EPB41L1: variants seen among roughly 807,000 people sequenced by gnomAD.
EPB41L1 encodes erythrocyte membrane protein band 4.1 like 1, also known as band 4.1-like protein 1.
EPB41L1 carries 29 observed loss-of-function variants against 97.8 expected under a neutral mutation model. The ratio of observed to expected loss-of-function variants is 0.30; its 90% CI spans 0.22 to 0.40. The LOEUF (loss-of-function observed/expected upper bound fraction) is 0.40. Among genes scored for constraint, EPB41L1 ranks in the 10% least tolerant of loss-of-function variants. EPB41L1 has a pLI of 1.00. For synonymous variants in EPB41L1, 383 were observed against 459.2 expected (o/e 0.83, Z 2.12); for missense variants, 812 against 1,162.3 (o/e 0.70, Z 4.38).
rs2061910400 is a variant in EPB41L1 at position 36,190,706 on chromosome 20, T to G, written c.1209T>G (p.Thr403=). ...FRYSGRTQAQ[T]RQASALIDRP... is the part of the protein sequence containing the mutation. ...ACAGTGGGAGGACCCAGGCACAGAC[T>G]CGCCAGGCCAGCGCCCTCATTGACC... Residue 403 remains threonine, a synonymous_variant, in exon 11 of 22, where the codon ACT becomes ACG. Coordinates refer to ENST00000338074, the MANE Select transcript of EPB41L1 (RefSeq NM_012156.2). This position sits in a 1 kb window ranked among gnomAD's most constrained non-coding sequence, Gnocchi z 5.8. 8 of 1,614,142 alleles carry G rather than the reference T, an allele frequency of 5.0e-6. No homozygotes were observed. The highest frequency in any genetic ancestry group is 5.1e-6 in the Non-Finnish European group (6 of 1,180,018).
At position 36,092,203 on chromosome 20, in the gene EPB41L1, G is replaced by A. The variant is rs546207602; in HGVS notation, c.-65+591G>A. Among the ~76,000 whole-genome samples, 3 of 152,302 alleles carry A rather than the reference G, an allele frequency of 2.0e-5. No homozygotes were observed. The highest frequency in any genetic ancestry group is 7.2e-5 in the African/African-American group (3 of 41,568). On this transcript the variant is annotated intron_variant, in intron 1 of 19. Transcript: ENST00000202028. The surrounding 1 kb of genome is among the most constrained non-coding windows in gnomAD (Gnocchi z 7.0). ...GGCTGGAGGTAGACGAGGTCGGCGA[G>A]CTGGGCGCGGGGCCGCGGGGTTACC...
chr20:36,107,546 G>T (rs1482016137), intron 1 of EPB41L1, among the ~76,000 whole-genome samples: 3 of 149,152 alleles, frequency 2.0e-5, no homozygotes, highest in African/African-American at 7.4e-5. Context: ...AATCATAAAG[G>T]CGGCTGGGCA....
intron 1 of EPB41L1, among the ~76,000 whole-genome samples, chr20:36,165,853 C>G (rs1045812265): frequency 3.3e-5 from 5 of 152,220 alleles, no homozygotes; most frequent in Admixed American, 2.0e-4. Flanking sequence ...AGCCCCAACC[C>G]TGGGAGAAAT....
At chr20:36,221,543 T>A (rs1244740213) in intron 19 of EPB41L1, among the ~76,000 whole-genome samples, 1 of 152,072 alleles carries the variant, frequency 6.6e-6, no homozygotes, top group African/African-American at 2.4e-5. Context: ...TCCAGAACTG[T>A]GAGAGAGACA....
intron 6 of EPB41L1, among the ~76,000 whole-genome samples, chr20:36,183,392 G>T (rs1226695046): frequency 6.6e-6 from 1 of 152,372 alleles, no homozygotes; most frequent in Middle Eastern, 3.4e-3. Flanking sequence ...AACAGATCAG[G>T]CCTGGGCTTT....
intron 3 of EPB41L1, among the ~76,000 whole-genome samples, chr20:36,176,709 G>A (rs1307391634): frequency 6.9e-6 from 1 of 144,528 alleles, no homozygotes; most frequent in Non-Finnish European, 1.5e-5. Flanking sequence ...TCAGCTCCCT[G>A]CAACCTCAAT....
chr20:36,163,739 G>A (rs904938327), intron 1 of EPB41L1, among the ~76,000 whole-genome samples: 14 of 152,200 alleles, frequency 9.2e-5, no homozygotes, highest in African/African-American at 2.7e-4. Context: ...GACTGGTAGA[G>A]GTGGGCAGGG....
rs1333106655 is a variant in EPB41L1, at chr20:36,165,541, A to C, written c.-14-8223A>C. 2.0e-5 allele frequency among the ~76,000 whole-genome samples: 3 copies of C among 152,122 alleles called. No individual in the cohort carries two copies. The East Asian group carries it at 5.8e-4, about 30-fold the overall frequency. ...TGGTGAAACCCTGTCTCTACTAAAA[A>C]TACAAAAATTAGCTGGGCATGGTGG... On this transcript the variant is annotated intron_variant, in intron 1 of 21. Coordinates refer to ENST00000338074, the MANE Select transcript of EPB41L1 (RefSeq NM_012156.2).
At chr20:36,194,078 C>T (rs112500577) in intron 11 of EPB41L1, 134 bp from the exon 12 acceptor site, 24,936 of 1,210,222 alleles carry the variant, frequency 0.021, 342 homozygotes, top group Non-Finnish European at 0.024. Context: ...CTACTTCACC[C>T]CTCTGGGCAA....
At chr20:36,155,252 ACG>A (rs1161822566) in intron 1 of EPB41L1, 1 of 449,078 alleles carries the variant, frequency 2.2e-6, no homozygotes, top group Non-Finnish European at 4.5e-6. Context: ...GCTGCTTCTG[ACG>A]CTGCAGGAGG....
intron 2 of EPB41L1, among the ~76,000 whole-genome samples, chr20:36,136,340 T>A (rs1456602736): frequency 7.3e-6 from 1 of 137,622 alleles, no homozygotes; most frequent in South Asian, 2.2e-4. Context: ...CCGGCTAAGT[T>A]TTTTTTTTTT....
rs747082511 is a variant in EPB41L1, at chr20:36,173,833, C to A, written c.56C>A (p.Pro19Gln). Residue 19 changes from proline (P) to glutamine (Q), a missense_variant, in exon 2 of 22, where the codon CCG becomes CAG. Coordinates refer to ENST00000338074, the MANE Select transcript of EPB41L1 (RefSeq NM_012156.2). ...SEVKKAQEEA[P>Q]QQPEAAAAVT... ...GTGAAGAAAGCTCAGGAGGAGGCCC[C>A]GCAGCAGCCCGAGGCTGCTGCCGCT... 1.2e-6 allele frequency: 2 copies of A among 1,613,724 alleles called. No homozygotes were observed. The highest frequency in any genetic ancestry group is 2.7e-5 in the African/African-American group (2 of 74,926).
upstream of EPB41L1, among the ~76,000 whole-genome samples, chr20:36,153,698 C>T (rs2060153188): frequency 6.6e-6 from 1 of 152,150 alleles, no homozygotes; most frequent in Admixed American, 6.5e-5. Flanking sequence ...AAATGAGGCC[C>T]AGAGCATGGA....
At chr20:36,153,604 T>C (rs2060147688), upstream of EPB41L1, among the ~76,000 whole-genome samples, 1 of 152,178 alleles carries the variant, frequency 6.6e-6, no homozygotes, top group African/African-American at 2.4e-5. Context: ...GAGATCATGC[T>C]GCGGTTACCC....
chr20:36,187,849 G>C, intron 8 of EPB41L1, 86 bp downstream of exon 8: 1 of 1,164,986 alleles, frequency 8.6e-7, no homozygotes, highest in Non-Finnish European at 1.3e-6. Context: ...TGGTGTGCCA[G>C]ACCCTGTGTT....
At chr20:36,137,218 G>A (rs1178526545) in intron 2 of EPB41L1, among the ~76,000 whole-genome samples, 1 of 151,508 alleles carries the variant, frequency 6.6e-6, no homozygotes, top group Non-Finnish European at 1.5e-5. Context: ...GGGACTACAG[G>A]CATATGCACT....
intron 2 of EPB41L1, among the ~76,000 whole-genome samples, chr20:36,130,256 G>GTTTTTTGT (rs1555836246): frequency 8.9e-5 from 13 of 145,724 alleles, no homozygotes; most frequent in African/African-American, 3.1e-4. Context: ...TTTTTTTTTT[G>GTTTTTTGT]TTTTTTTTAA....
chr20:36,127,136 C>A (rs532944585), intron 2 of EPB41L1, among the ~76,000 whole-genome samples: 2 of 152,342 alleles, frequency 1.3e-5, no homozygotes, highest in South Asian at 4.1e-4. Flanking sequence ...CCCCGCCTCC[C>A]ATCTGAGATG....
At chr20:36,165,407 AAG>A (rs2060698027) in intron 1 of EPB41L1, among the ~76,000 whole-genome samples, 1 of 151,470 alleles carries the variant, frequency 6.6e-6, no homozygotes, top group African/African-American at 2.4e-5. Context: ...CATGCTCAGA[AAG>A]AGGAAGTGGC....
Sources: allele counts gnomAD v4.1 joint callset (sites outside exome capture counted in the v4.1 genomes callset), GRCh38; gene constraint gnomAD v4.1.1; non-coding constraint Gnocchi (gnomAD v3.1); transcripts MANE v1.5; gene names NCBI Gene and HGNC (gene_info 2026-07-23, HGNC 2026-07-21).